Variants in DSG3 observed in about 807,000 individuals in gnomAD.
DSG3 encodes desmoglein-3.
A neutral mutation model predicts 85.9 loss-of-function variants in DSG3; 63 were observed. The observed-to-expected ratio is 0.73, with a 90% confidence interval of 0.60 to 0.90. The LOEUF (loss-of-function observed/expected upper bound fraction) is 0.90, where lower values mean the gene tolerates loss of function less well. DSG3 is among the 40% of genes least tolerant of loss of function. The probability of loss-of-function intolerance (pLI) is 0.00; values close to 1 mark genes in which losing one functional copy is unlikely to be tolerated. For synonymous variants in DSG3, 447 were observed against 441.9 expected, an observed-to-expected ratio of 1.01 and a Z score of -0.14; for missense variants, 1,220 against 1,219.9, an observed-to-expected ratio of 1.00 and a Z score of 0.00.
intron 10 of DSG3, among the ~76,000 whole-genome samples, chr18:31,465,717 T>C (rs1356565507): frequency 6.6e-6 from 1 of 152,152 alleles, no homozygotes. Flanking sequence ...ATTTTTTGAC[T>C]GACAGAAATC....
At chr18:31,472,164 G>A (rs1255771997) in intron 12 of DSG3, 120 bp from the exon 13 acceptor site, 1 of 1,448,752 alleles carries the variant, frequency 6.9e-7, no homozygotes, top group Non-Finnish European at 9.3e-7. Flanking sequence ...GTTTTCATTA[G>A]GAATTTTCTA....
At chr18:31,454,244 G>A (rs2072728226) in intron 1 of DSG3, among the ~76,000 whole-genome samples, 1 of 152,182 alleles carries the variant, frequency 6.6e-6, no homozygotes, top group Non-Finnish European at 1.5e-5. Context: ...TTCCTGTAAA[G>A]GGGAGCCTGC....
At position 31,475,910 on chromosome 18, in the gene DSG3, TG is replaced by T. The variant is rs1568092776; in HGVS notation, c.2651del (p.Cys884LeufsTer5). The T allele has an allele frequency of 6.2e-7, 1 of 1,614,200 alleles. No individual in the cohort carries two copies. On this transcript the variant is annotated frameshift_variant, in exon 16 of 16. Transcript: ENST00000257189. LOFTEE classifies it low-confidence loss of function (END_TRUNC). ...AGACAGCGGTTATGGGATTGAATCC[TG>T]TGGCCATCCCATAGAAGTCCAGCAG... ...SKDSGYGIES[C>X]GHPIEVQQTG...
At chr18:31,464,005 CAA>C (rs2072801158) in intron 8 of DSG3, 104 bp from the exon 9 acceptor site, 1 of 1,081,466 alleles carries the variant, frequency 9.2e-7, no homozygotes, top group Non-Finnish European at 1.3e-6. Context: ...TATTTAAAAA[CAA>C]GAGAATTCAT....
chr18:31,456,882 T>G, intron 2 of DSG3, 111 bp from the exon 3 acceptor site: 1 of 1,085,584 alleles, frequency 9.2e-7, no homozygotes, highest in Non-Finnish European at 1.3e-6. Context: ...TACCTAACAG[T>G]CTTAGTGATC....
intron 11 of DSG3, among the ~76,000 whole-genome samples, 159 bp downstream of exon 11, chr18:31,466,913 A>G (rs1310808795): frequency 6.6e-6 from 1 of 152,252 alleles, no homozygotes; most frequent in Non-Finnish European, 1.5e-5. Context: ...TTCTCTTTTC[A>G]GAAGAGAAAA....
intron 10 of DSG3, among the ~76,000 whole-genome samples, chr18:31,466,153 T>TA (rs1490599494): frequency 6.6e-6 from 1 of 152,150 alleles, no homozygotes; most frequent in African/African-American, 2.4e-5. Flanking sequence ...TTATTCCAAA[T>TA]AAAAAATGTG....
At chr18:31,464,780 A>G (rs1183788148) in intron 9 of DSG3, among the ~76,000 whole-genome samples, 2 of 152,242 alleles carry the variant, frequency 1.3e-5, no homozygotes, top group Admixed American at 6.5e-5. Context: ...AATAATTGCT[A>G]TATTATACAG....
At position 31,474,154 on chromosome 18, in the gene DSG3, C is replaced by T. The variant is rs768429518; in HGVS notation, c.2135C>T (p.Ala712Val). 68 of 1,613,858 alleles carry T rather than the reference C, an allele frequency of 4.2e-5. No homozygotes were observed. In the South Asian group the frequency reaches 4.5e-4, roughly 11 times the overall value. ...VCTNTYARGT[A>V]VEGTSGMEMT... ...ACAAATACGTATGCCAGAGGCACAG[C>T]GGTGGAAGGCACTTCAGGAATGGAA... Residue 712 changes from alanine to valine, a missense_variant, in exon 15 of 16, where the codon GCG (alanine) becomes GTG (valine). By Grantham distance (64) the Ala-to-Val change is moderately conservative. Transcript: ENST00000257189.
In DSG3 at chr18:31,465,331, C is replaced by A; in HGVS notation, c.1285C>A (p.Arg429Ser). ...AASNVKYVMGRNDGGYLMIDS... is the reference protein window; with the variant it reads ...AASNVKYVMGSNDGGYLMIDS... ...ATTATGAAACAGATATGTCATGGGA[C>A]GTAACGATGGTGGATACCTAATGAT... The change falls in exon 10 of 16, where the codon CGT (arginine) becomes AGT (serine). Residue 429 changes from arginine (R) to serine (S), a missense_variant. Arg to Ser is a moderately radical substitution (Grantham distance 110, BLOSUM62 -1). Transcript: ENST00000257189. 6.8e-7 allele frequency: 1 copy of A among 1,466,618 alleles called. No homozygotes were observed. The highest frequency in any genetic ancestry group is 1.6e-5 in the South Asian group (1 of 61,608). 90.9% of individuals were successfully genotyped at this position (1,466,618 alleles called of 1,614,324 possible).
At chr18:31,455,234 A>G (rs543572154) in intron 1 of DSG3, among the ~76,000 whole-genome samples, 2 of 152,244 alleles carry the variant, frequency 1.3e-5, no homozygotes, top group Admixed American at 6.5e-5. Flanking sequence ...ATAAAGCTCT[A>G]GGAGTAGCAG....
chr18:31,467,950 A>T (rs1288389043), intron 11 of DSG3, among the ~76,000 whole-genome samples: 1 of 152,214 alleles, frequency 6.6e-6, no homozygotes, highest in Non-Finnish European at 1.5e-5. Flanking sequence ...TACGTGGCCA[A>T]TGAAGAGGCT....
chr18:31,462,233 G>T (rs192622212), intron 8 of DSG3, among the ~76,000 whole-genome samples: 2 of 152,052 alleles, frequency 1.3e-5, no homozygotes, highest in Admixed American at 1.3e-4. Flanking sequence ...CATCATGCCC[G>T]GCTAATTTTT....
At chr18:31,462,170 C>T (rs2072790791) in intron 8 of DSG3, among the ~76,000 whole-genome samples, 1 of 151,952 alleles carries the variant, frequency 6.6e-6, no homozygotes. Flanking sequence ...CCTCCCAGGC[C>T]CCAGTGATCC....
rs1177646206 is a variant in DSG3 at position 31,476,159 on chromosome 18, T to A, written c.2899T>A (p.Cys967Ser). 1 of 1,614,222 alleles carries A rather than the reference T, an allele frequency of 6.2e-7. No homozygotes were observed. The highest frequency in any genetic ancestry group is 1.7e-5 in the Admixed American group (1 of 60,022). The change falls in exon 16 of 16, where the codon TGT (cysteine) becomes AGT (serine). Residue 967 changes from cysteine to serine, a missense_variant. By Grantham distance (112) the Cys-to-Ser change is moderately radical. Coordinates refer to ENST00000257189, the MANE Select transcript of DSG3 (RefSeq NM_001944.3). ...TGTGATAGTGACAGAAAGGGTGATC[T>A]GTCCCATTTCCAGTGTTCCTGGCAA... is the stretch of plus-strand genomic sequence containing the variant. ...QNVIVTERVI[C>S]PISSVPGNLA...
Position 31,460,024 on chromosome 18 carries a change from A to C in DSG3, c.684+13A>C. 1 of 1,601,112 alleles carries C rather than the reference A, an allele frequency of 6.2e-7. No homozygotes were observed. Among genetic ancestry groups the C allele is most frequent in the South Asian group, 1.1e-5 (1 of 88,518 alleles). ...TCTTGACCGAGAGGTACAGCAAAGC[A>C]CTTGGGGGAACATTCAAGATTAAAG... On this transcript the variant is annotated intron_variant, in intron 6 of 15. Coordinates refer to ENST00000257189, the MANE Select transcript of DSG3 (RefSeq NM_001944.3).
chr18:31,473,861 G>T (rs1202946977), intron 14 of DSG3, among the ~76,000 whole-genome samples: 1 of 152,034 alleles, frequency 6.6e-6, no homozygotes, highest in Non-Finnish European at 1.5e-5. Context: ...TCTATTTCTG[G>T]CTGTTGTCAC....
intron 1 of DSG3, among the ~76,000 whole-genome samples, chr18:31,449,038 G>A (rs776475379): frequency 9.9e-5 from 15 of 152,138 alleles, no homozygotes; most frequent in Non-Finnish European, 1.6e-4. Context: ...TGAGATTACA[G>A]GCGTGCACCA....
rs1453346021 is a variant in DSG3 at position 31,469,228 on chromosome 18, G to T, written c.1776G>T (p.Arg592Ser). ...TGGAAGTCTGTCAGTGTGACAACAG[G>T]GGCATCTGTGGAACTTCTTACCCAA... The part of the protein sequence containing the change: ...LTLEVCQCDN[R>S]GICGTSYPTT... Residue 592 changes from arginine (R) to serine (S), a missense_variant, in exon 12 of 16, where the codon AGG becomes AGT. Physicochemically the swap from Arg to Ser is moderately radical, Grantham distance 110. Transcript: ENST00000257189. 3 of 1,614,060 alleles carry T rather than the reference G, an allele frequency of 1.9e-6. No homozygotes were observed. The Admixed American group carries it at 5.0e-5, about 27-fold the overall frequency.
Sources: allele counts gnomAD v4.1 joint callset (sites outside exome capture counted in the v4.1 genomes callset), GRCh38; gene constraint gnomAD v4.1.1; transcripts MANE v1.5; gene names NCBI Gene and HGNC (gene_info 2026-07-23, HGNC 2026-07-21).